Variants in MCUB observed in about 807,000 individuals in gnomAD.
MCUB encodes the protein mitochondrial calcium uniporter dominant negative subunit beta.
Under a neutral mutation model 41.4 loss-of-function variants are expected in MCUB, and 46 were observed. The observed-to-expected ratio is 1.11, with a 90% CI of 0.88 to 1.42. The LOEUF is 1.42. MCUB is among the 40% of genes most tolerant of loss of function. The pLI is 0.00. For synonymous variants in MCUB, 148 were observed against 148.2 expected, an observed-to-expected ratio of 1.00 and a Z score of 0.01; for missense variants, 403 against 404.9, an observed-to-expected ratio of 1.00 and a Z score of 0.04.
chr4:109,679,381 T>TC (rs1461965292), intron 4 of MCUB, among the ~76,000 whole-genome samples: 2 of 152,108 alleles, frequency 1.3e-5, no homozygotes, highest in African/African-American at 2.4e-5. Flanking sequence ...TGAGCGAGAC[T>TC]CCGTCTGCAA....
intron 3 of MCUB, among the ~76,000 whole-genome samples, chr4:109,663,170 G>A (rs1729264237): frequency 6.6e-6 from 1 of 152,206 alleles, no homozygotes; most frequent in African/African-American, 2.4e-5. Context: ...CCAAATGAAT[G>A]TCAGGCCGGG....
chr4:109,600,778 C>T (rs1450082460), intron 1 of MCUB, among the ~76,000 whole-genome samples: 1 of 152,084 alleles, frequency 6.6e-6, no homozygotes, highest in African/African-American at 2.4e-5. Flanking sequence ...GTTTTTGACA[C>T]GTATTTTTAT....
intron 1 of MCUB, among the ~76,000 whole-genome samples, chr4:109,630,467 A>T (rs1579073541): frequency 6.6e-6 from 1 of 152,246 alleles, no homozygotes; most frequent in African/African-American, 2.4e-5. Flanking sequence ...ATCTCTAAAA[A>T]AATTTTTTTC....
chr4:109,635,897 C>T (rs1282698505), intron 1 of MCUB, among the ~76,000 whole-genome samples: 1 of 143,784 alleles, frequency 7.0e-6, no homozygotes, highest in Non-Finnish European at 1.5e-5. Context: ...AAATGCAGCT[C>T]TAAACTTTGT....
chr4:109,618,950 A>T (rs891118231), intron 1 of MCUB, among the ~76,000 whole-genome samples: 9 of 129,654 alleles, frequency 6.9e-5, no homozygotes, highest in African/African-American at 3.0e-4. Flanking sequence ...TGAACATTAA[A>T]CTTCTCTCTC....
chr4:109,653,233 G>A (rs1474472878), intron 1 of MCUB, among the ~76,000 whole-genome samples: 1 of 152,030 alleles, frequency 6.6e-6, no homozygotes, highest in Non-Finnish European at 1.5e-5. Context: ...CAAAAAATTA[G>A]CCAGGCTTGG....
At position 109,664,307 on chromosome 4, in the gene MCUB, G is replaced by A; in HGVS notation, c.364G>A (p.Ala122Thr). 2 of 1,558,834 alleles carry A rather than the reference G, an allele frequency of 1.3e-6. No individual in the cohort carries two copies. Among genetic ancestry groups the A allele is most frequent in the African/African-American group, 1.4e-5 (1 of 73,852 alleles). Residue 122 changes from alanine to threonine, a missense_variant, in exon 4 of 8, where the codon GCT becomes ACT. Physicochemically the swap from Ala to Thr is moderately conservative, Grantham distance 58. Coordinates refer to ENST00000394650, the MANE Select transcript of MCUB (RefSeq NM_017918.5). ...TCTTTCAGATGGCAACATGATTTCA[G>A]CTTCTACCTTGATGGATATTTTGCT... Reference protein sequence around the residue: ...IFTADGNMISASTLMDILLMN... With the variant: ...IFTADGNMISTSTLMDILLMN...
intron 1 of MCUB, among the ~76,000 whole-genome samples, chr4:109,561,597 T>G (rs1354333745): frequency 6.6e-5 from 10 of 152,220 alleles, no homozygotes; most frequent in Non-Finnish European, 1.5e-4. Context: ...ATGGTAGACT[T>G]ATAAAGTCAT....
At chr4:109,597,928 G>C (rs1423994081) in intron 1 of MCUB, among the ~76,000 whole-genome samples, 4 of 151,028 alleles carry the variant, frequency 2.6e-5, no homozygotes, top group African/African-American at 7.3e-5. Flanking sequence ...GGTCGCGGCC[G>C]GGCAGAGGCG....
chr4:109,669,761 C>G (rs1228479151), intron 4 of MCUB, among the ~76,000 whole-genome samples: 3 of 150,736 alleles, frequency 2.0e-5, no homozygotes, highest in Non-Finnish European at 4.4e-5. Flanking sequence ...AATGAAATAT[C>G]CTTAAGCTTA....
chr4:109,677,842 T>C (rs1334277458), intron 4 of MCUB, among the ~76,000 whole-genome samples: 1 of 138,744 alleles, frequency 7.2e-6, no homozygotes, highest in Non-Finnish European at 1.5e-5. Context: ...TTTTTATTGA[T>C]CATTCTTGGG....
intron 1 of MCUB, among the ~76,000 whole-genome samples, chr4:109,596,035 G>A (rs1727549115): frequency 8.4e-6 from 1 of 118,766 alleles, no homozygotes; most frequent in African/African-American, 3.6e-5. Context: ...TTCACCTGGG[G>A]CTGCACTACA....
intron 4 of MCUB, among the ~76,000 whole-genome samples, chr4:109,671,015 G>A (rs1255833236): frequency 6.6e-6 from 1 of 152,200 alleles, no homozygotes; most frequent in Non-Finnish European, 1.5e-5. Flanking sequence ...ATGAGTCTCT[G>A]CTTCGCTAAG....
intron 1 of MCUB, among the ~76,000 whole-genome samples, chr4:109,633,510 C>G (rs1315108921): frequency 6.6e-6 from 1 of 152,158 alleles, no homozygotes; most frequent in East Asian, 1.9e-4. Flanking sequence ...ACCTCATAAT[C>G]TGCATGCCTC....
At position 109,639,148 on chromosome 4, in the gene MCUB, T is replaced by C. The variant is rs562105558; in HGVS notation, c.100-19863T>C. Among the ~76,000 whole-genome samples the C allele has an allele frequency of 2.0e-5, 3 of 152,276 alleles. No individual in the cohort carries two copies. In the East Asian group the frequency reaches 5.8e-4, roughly 29 times the overall value. On this transcript the variant is annotated intron_variant, in intron 1 of 7. Transcript: ENST00000394650. ...CTCAATGTACTTTGCCAAGATTCAT[T>C]AGAGGAATCACTATCTATGGCAGTT...
intron 1 of MCUB, among the ~76,000 whole-genome samples, chr4:109,587,081 A>T (rs926145585): frequency 6.6e-6 from 1 of 152,254 alleles, no homozygotes; most frequent in African/African-American, 2.4e-5. Context: ...CTACAGAGGC[A>T]GCAGGCCTTG....
Position 109,654,117 on chromosome 4 carries a change from GTT to G in MCUB, c.100-4885_100-4884del, listed in dbSNP as rs11322898. 3.7e-4 allele frequency among the ~76,000 whole-genome samples: 56 copies of G among 150,904 alleles called. 1 individual carries two copies. In the South Asian group the frequency reaches 8.8e-3, roughly 24 times the overall value. Reference sequence around the variant, plus strand: ...AATTAATCTTAAAAATAAATGTGTTGTTTTTTTTTTCTTAGCATTTAATTCCT... The same window carrying G: ...AATTAATCTTAAAAATAAATGTGTTGTTTTTTTTCTTAGCATTTAATTCCT... On this transcript the variant is annotated intron_variant, in intron 1 of 7. Transcript: ENST00000394650.
Position 109,685,288 on chromosome 4 carries a change from T to C in MCUB, c.854T>C (p.Leu285Pro). ...TYSAVKSRQF[L>P]QFFHKKSKQQ... is the part of the protein sequence containing the mutation. Reference sequence around the variant, plus strand: ...TCAGCTGTTAAGAGTAGGCAATTTCTTCAGTTCTTCCACAAGAAATCAAAG... The same window carrying C: ...TCAGCTGTTAAGAGTAGGCAATTTCCTCAGTTCTTCCACAAGAAATCAAAG... The change falls in exon 7 of 8, where the codon CTT (leucine) becomes CCT (proline). Residue 285 changes from leucine (L) to proline (P), a missense_variant. Physicochemically the swap from Leu to Pro is moderately conservative, Grantham distance 98. Transcript: ENST00000394650. 6.4e-7 allele frequency: 1 copy of C among 1,573,962 alleles called. No individual in the cohort carries two copies. The highest frequency in any genetic ancestry group is 1.7e-5 in the Admixed American group (1 of 59,960).
At chr4:109,586,978 C>T (rs1387949539) in intron 1 of MCUB, among the ~76,000 whole-genome samples, 3 of 152,220 alleles carry the variant, frequency 2.0e-5, no homozygotes, top group Non-Finnish European at 4.4e-5. Context: ...GGGAGAACTA[C>T]TGCTCTCTTC....
Sources: allele counts gnomAD v4.1 joint callset (sites outside exome capture counted in the v4.1 genomes callset), GRCh38; gene constraint gnomAD v4.1.1; transcripts MANE v1.5; gene names NCBI Gene and HGNC (gene_info 2026-07-23, HGNC 2026-07-21).